Variants in RRAGB observed in about 807,000 individuals in gnomAD.
RRAGB encodes ras-related GTP-binding protein B.
In RRAGB, 6 loss-of-function variants were observed where a neutral mutation model predicts 29.3. The ratio of observed to expected loss-of-function variants is 0.21; its 90% confidence interval spans 0.11 to 0.40. The LOEUF (loss-of-function observed/expected upper bound fraction) is 0.40, where lower values mean the gene tolerates loss of function less well. Among genes scored for constraint, RRAGB ranks in the 10% least tolerant of loss-of-function variants. The pLI is 1.00. For synonymous variants in RRAGB, 101 were observed against 92.5 expected, an observed-to-expected ratio of 1.09 and a Z score of -0.53; for missense variants, 184 against 272.9, an observed-to-expected ratio of 0.67 and a Z score of 2.29.
At chrX:55,747,015 G>T (rs2034269474) in intron 5 of RRAGB, among the ~76,000 whole-genome samples, 1 of 112,059 alleles carries the variant, frequency 8.9e-6, no homozygotes, top group African/African-American at 3.2e-5. Context: ...ATTCCTCATG[G>T]GTCATACTTC....
At chrX:55,720,288 A>C (rs1001811772) in intron 2 of RRAGB, among the ~76,000 whole-genome samples, 1 of 112,091 alleles carries the variant, frequency 8.9e-6, no homozygotes. Context: ...TATATCAAAC[A>C]TTGCATTGTA....
chrX:55,722,031 G>C (rs1277136382), intron 2 of RRAGB, among the ~76,000 whole-genome samples, 155 bp from the exon 3 acceptor site: 2 of 112,548 alleles, frequency 1.8e-5, no homozygotes, highest in African/African-American at 6.5e-5. Context: ...ACCCTTCGTT[G>C]GGAAGAGTTT....
intron 5 of RRAGB, among the ~76,000 whole-genome samples, chrX:55,747,029 C>T (rs986335091): frequency 1.8e-5 from 2 of 112,234 alleles, no homozygotes; most frequent in Non-Finnish European, 3.8e-5. Context: ...ATACTTCACA[C>T]GTCACCTTTA....
At chrX:55,733,465 G>A (rs960125004) in intron 5 of RRAGB, among the ~76,000 whole-genome samples, 5 of 101,122 alleles carry the variant, frequency 4.9e-5, no homozygotes, top group Non-Finnish European at 1.0e-4. Context: ...ACTATTTTGA[G>A]GTATGTTTCT....
intron 8 of RRAGB, 132 bp downstream of exon 8, chrX:55,756,064 T>C (rs1033174798): frequency 2.2e-6 from 1 of 446,239 alleles, no homozygotes; most frequent in African/African-American, 2.5e-5. Context: ...CAAAGCTAAA[T>C]TCTAAGGGGC....
intron 5 of RRAGB, among the ~76,000 whole-genome samples, chrX:55,734,205 C>T (rs1255745064): frequency 9.2e-6 from 1 of 109,197 alleles, no homozygotes; most frequent in African/African-American, 3.3e-5. Flanking sequence ...CCTCATGATC[C>T]GCCTGCCTCG....
chrX:55,724,965 CT>C (rs751963820), intron 3 of RRAGB, among the ~76,000 whole-genome samples: 1 of 111,984 alleles, frequency 8.9e-6, no homozygotes, highest in South Asian at 3.7e-4. Context: ...ATTCTGAACA[CT>C]TTTGTTGAAG....
At chrX:55,748,637 G>A (rs187539383) in intron 5 of RRAGB, among the ~76,000 whole-genome samples, 2 of 106,334 alleles carry the variant, frequency 1.9e-5, no homozygotes, top group East Asian at 6.1e-4. Flanking sequence ...CCTGGCAACC[G>A]CCCCGCCTGA....
At chrX:55,719,289 A>G in intron 1 of RRAGB, 25 bp from the exon 2 acceptor site, 1 of 1,170,172 alleles carries the variant, frequency 8.5e-7, no homozygotes, top group South Asian at 1.9e-5. Context: ...GATCATGGAA[A>G]CTGTTTTTTG....
At chrX:55,733,157 A>G (rs920522865) in intron 5 of RRAGB, among the ~76,000 whole-genome samples, 1 of 111,273 alleles carries the variant, frequency 9.0e-6, no homozygotes, top group Non-Finnish European at 1.9e-5. Flanking sequence ...TGTCCATTAT[A>G]CCACTCTGTA....
intron 5 of RRAGB, among the ~76,000 whole-genome samples, chrX:55,736,272 A>G (rs1292512713): frequency 8.9e-6 from 1 of 112,147 alleles, no homozygotes; most frequent in African/African-American, 3.2e-5. Flanking sequence ...ACCTAAACCC[A>G]TATTTACTGG....
Position 55,729,318 on chromosome X carries a change from G to T in RRAGB, c.251G>T (p.Arg84Leu). Residue 84 changes from arginine (R) to leucine (L), a missense_variant, in exon 4 of 10, where the codon CGA becomes CTA. Transcript: ENST00000374941. Reference protein sequence around the residue: ...ATIDVEHSHVRFLGNLVLNLW... With the variant: ...ATIDVEHSHVLFLGNLVLNLW... The stretch of plus-strand genomic sequence containing the variant: ...GTTGATGTAGAACATTCTCATGTTC[G>T]ATTTCTGGGAAACCTGGTATTGAAC... 6 of 1,200,441 alleles carry T rather than the reference G, an allele frequency of 5.0e-6. No homozygotes were observed. Among genetic ancestry groups the T allele is most frequent in the Non-Finnish European group, 6.8e-6 (6 of 886,457 alleles).
intron 5 of RRAGB, among the ~76,000 whole-genome samples, chrX:55,736,026 C>T (rs981125554): frequency 3.6e-5 from 4 of 112,261 alleles, no homozygotes; most frequent in Non-Finnish European, 7.5e-5. Context: ...GCTTTTGTCT[C>T]ACTCTTCTTA....
Position 55,718,333 on chromosome X carries a change from A to G in RRAGB, c.6A>G (p.Glu2=), listed in dbSNP as rs750567996. The G allele has an allele frequency of 8.3e-7, 1 of 1,201,434 alleles. No homozygotes were observed. Among genetic ancestry groups the G allele is most frequent in the African/African-American group, 1.7e-5 (1 of 57,184 alleles). The change falls in exon 1 of 10, where the codon GAA becomes GAG. Residue 2 remains glutamate, a synonymous_variant. Coordinates refer to ENST00000374941, the MANE Select transcript of RRAGB (RefSeq NM_006064.5). Reference sequence around the variant, plus strand: ...TGGAAAGGACTTGTTGCGCAATGGAAGAATCTGACTCTGAGAAAACGACGG... The same window carrying G: ...TGGAAAGGACTTGTTGCGCAATGGAGGAATCTGACTCTGAGAAAACGACGG... M[E]ESDSEKTTEK... is the part of the protein sequence containing the mutation.
At chrX:55,722,360 T>C in intron 3 of RRAGB, 75 bp downstream of exon 3, 1 of 651,712 alleles carries the variant, frequency 1.5e-6, no homozygotes, top group East Asian at 3.3e-5. Flanking sequence ...TTGGTTTCAG[T>C]ACCTTGGGGA....
Position 55,747,198 on chromosome X carries a change from T to G in RRAGB, c.517-3903T>G, listed in dbSNP as rs185960493. On this transcript the variant is annotated intron_variant, in intron 5 of 9. Coordinates refer to ENST00000374941, the MANE Select transcript of RRAGB (RefSeq NM_006064.5). ...ATCAGATATGGATGGAGTGGCTGCT[T>G]CTACTGGCAAAGAAGACTGAGAATT... Among the ~76,000 whole-genome samples the G allele has an allele frequency of 3.5e-3, 390 of 112,160 alleles. 3 individuals carry two copies. The highest frequency in any genetic ancestry group is 0.012 in the African/African-American group (372 of 30,914).
chrX:55,739,023 T>C (rs899145970), intron 5 of RRAGB, among the ~76,000 whole-genome samples: 5 of 112,297 alleles, frequency 4.5e-5, no homozygotes, highest in Non-Finnish European at 9.4e-5. Context: ...AGAATCCACA[T>C]TGGGAGAAGG....
intron 7 of RRAGB, among the ~76,000 whole-genome samples, chrX:55,754,303 A>G (rs1250777872): frequency 3.5e-5 from 4 of 112,682 alleles, no homozygotes; most frequent in Admixed American, 9.3e-5. Flanking sequence ...TTTCTTGTAA[A>G]TTGAACTTAG....
At chrX:55,740,372 T>A (rs2034020795) in intron 5 of RRAGB, among the ~76,000 whole-genome samples, 1 of 111,227 alleles carries the variant, frequency 9.0e-6, no homozygotes, top group African/African-American at 3.3e-5. Context: ...TAAATCATTA[T>A]GACTAGGCTC....
Sources: allele counts gnomAD v4.1 joint callset (sites outside exome capture counted in the v4.1 genomes callset), GRCh38; gene constraint gnomAD v4.1.1; transcripts MANE v1.5; gene names NCBI Gene and HGNC (gene_info 2026-07-23, HGNC 2026-07-21).